Variants in MAP3K7CL observed in about 807,000 individuals in gnomAD.
The protein encoded by MAP3K7CL is MAP3K7 C-terminal like, also known as MAP3K7 C-terminal-like protein.
MAP3K7CL carries 16 observed loss-of-function variants against 18.6 expected under a neutral mutation model. That is an observed-to-expected ratio of 0.86 (90% CI 0.58 to 1.31). MAP3K7CL has a LOEUF of 1.31. MAP3K7CL is among the 50% of genes most tolerant of loss of function. MAP3K7CL has a pLI of 0.00. For synonymous variants in MAP3K7CL, 65 were observed against 66.8 expected (o/e 0.97, Z 0.13); for missense variants, 163 against 174.4 (o/e 0.93, Z 0.37).
intron 4 of MAP3K7CL, among the ~76,000 whole-genome samples, chr21:29,174,342 A>G (rs1274749744): frequency 1.3e-5 from 2 of 152,230 alleles, no homozygotes; most frequent in African/African-American, 2.4e-5. Flanking sequence ...CCAAGAGAAA[A>G]CTATAGTTGT....
intron 4 of MAP3K7CL, among the ~76,000 whole-genome samples, chr21:29,116,131 G>A (rs977618798): frequency 5.3e-5 from 8 of 152,146 alleles, no homozygotes; most frequent in Non-Finnish European, 8.8e-5. Flanking sequence ...AAACAGTGGC[G>A]ACGGGTAGTT....
chr21:29,081,667 CTCTT>C (rs1022565678), upstream of MAP3K7CL, among the ~76,000 whole-genome samples: 3 of 151,878 alleles, frequency 2.0e-5, no homozygotes, highest in African/African-American at 7.3e-5. Context: ...GGTAAATTTA[CTCTT>C]TCTTTTATTA....
intron 3 of MAP3K7CL, among the ~76,000 whole-genome samples, chr21:29,149,897 A>G (rs1373597816): frequency 6.6e-6 from 1 of 152,204 alleles, no homozygotes; most frequent in Non-Finnish European, 1.5e-5. Flanking sequence ...AATGGCTTTC[A>G]GAAGAGGTTC....
chr21:29,106,810 G>C (rs190705127), intron 4 of MAP3K7CL, among the ~76,000 whole-genome samples: 1 of 152,294 alleles, frequency 6.6e-6, no homozygotes, highest in African/African-American at 2.4e-5. Context: ...GTTGGAGCAG[G>C]CCTCTGCCCT....
At chr21:29,110,944 C>T (rs2832184) in intron 4 of MAP3K7CL, among the ~76,000 whole-genome samples, 67,180 of 151,848 alleles carry the variant, frequency 0.44, 15,118 homozygotes, top group East Asian at 0.64. Context: ...GTTTTTGGTC[C>T]CTGTCTTCCA....
At chr21:29,080,676 A>G (rs2085821009) in intron 1 of MAP3K7CL, 1 of 151,610 alleles carries the variant, frequency 6.6e-6, no homozygotes, top group Non-Finnish European at 1.5e-5. Flanking sequence ...GATTCCTCCC[A>G]CCTTGCTGAT....
chr21:29,090,783 C>G (rs1360842322), intron 1 of MAP3K7CL, among the ~76,000 whole-genome samples: 1 of 151,270 alleles, frequency 6.6e-6, no homozygotes, highest in Non-Finnish European at 1.5e-5. Flanking sequence ...AAAATTGCTG[C>G]ATCCCCGGGA....
At chr21:29,161,197 C>T (rs1326698684) in intron 4 of MAP3K7CL, among the ~76,000 whole-genome samples, 1 of 152,144 alleles carries the variant, frequency 6.6e-6, no homozygotes, top group Non-Finnish European at 1.5e-5. Flanking sequence ...GTAATCCCAG[C>T]TACTCGGGAG....
chr21:29,164,616 C>T (rs2087638877), intron 4 of MAP3K7CL, among the ~76,000 whole-genome samples: 1 of 152,210 alleles, frequency 6.6e-6, no homozygotes, highest in Non-Finnish European at 1.5e-5. Flanking sequence ...TATTTTAAAT[C>T]ATATCTGTTG....
chr21:29,098,736 G>A (rs774686784), intron 4 of MAP3K7CL, among the ~76,000 whole-genome samples: 32 of 152,178 alleles, frequency 2.1e-4, no homozygotes, highest in Non-Finnish European at 5.9e-5. Flanking sequence ...GATTTAAACA[G>A]CCAAGTCCTA....
At chr21:29,099,950 G>T (rs1458079673) in intron 4 of MAP3K7CL, among the ~76,000 whole-genome samples, 1 of 152,074 alleles carries the variant, frequency 6.6e-6, no homozygotes, top group African/African-American at 2.4e-5. Context: ...GGGCGTGGTG[G>T]CGGGCGCCTG....
chr21:29,144,385 G>A (rs936276561), intron 2 of MAP3K7CL, among the ~76,000 whole-genome samples: 3 of 152,208 alleles, frequency 2.0e-5, no homozygotes, highest in Admixed American at 6.5e-5. Flanking sequence ...GGCTGGTCTC[G>A]AACTCCTGAC....
At chr21:29,099,103 T>A (rs1046226562) in intron 4 of MAP3K7CL, among the ~76,000 whole-genome samples, 6 of 152,002 alleles carry the variant, frequency 3.9e-5, no homozygotes, top group Non-Finnish European at 7.4e-5. Flanking sequence ...TCTTTTCTTT[T>A]CTTTTTGAGA....
At chr21:29,170,253 C>T (rs541512340) in intron 4 of MAP3K7CL, among the ~76,000 whole-genome samples, 1 of 152,306 alleles carries the variant, frequency 6.6e-6, no homozygotes, top group East Asian at 1.9e-4. Context: ...TTATCAAATA[C>T]ATGACACTAA....
intron 3 of MAP3K7CL, chr21:29,092,269 T>A: frequency 1.4e-6 from 1 of 690,288 alleles, no homozygotes; most frequent in Non-Finnish European, 2.4e-6. Flanking sequence ...AGCCCAGTGC[T>A]CTTTCCCCTG....
exon 2 of MAP3K7CL, chr21:29,091,535 G>A (rs909045296): frequency 2.9e-6 from 2 of 701,018 alleles, no homozygotes; most frequent in African/African-American, 3.5e-5. Flanking sequence ...GAATGCAGTG[G>A]TGGAATCATG....
At chr21:29,119,138 C>T (rs533943718) in intron 4 of MAP3K7CL, among the ~76,000 whole-genome samples, 94 of 152,352 alleles carry the variant, frequency 6.2e-4, no homozygotes, top group African/African-American at 2.2e-3. Context: ...CTTTCTCTGC[C>T]ACCTCCTTTC....
upstream of MAP3K7CL, among the ~76,000 whole-genome samples, chr21:29,084,751 TGAA>T (rs2085894875): frequency 1.3e-5 from 2 of 152,216 alleles, no homozygotes; most frequent in Admixed American, 6.5e-5. Context: ...GGAATCTCAA[TGAA>T]GAAGGAGGGT....
At chr21:29,139,133 G>C (rs1263032274) in intron 2 of MAP3K7CL, 1 of 152,112 alleles carries the variant, frequency 6.6e-6, no homozygotes, top group African/African-American at 2.4e-5. Context: ...TGTGTGGTAG[G>C]GAGAATTACA....
Sources: allele counts gnomAD v4.1 joint callset (sites outside exome capture counted in the v4.1 genomes callset), GRCh38; gene constraint gnomAD v4.1.1; transcripts MANE v1.5; gene names NCBI Gene and HGNC (gene_info 2026-07-23, HGNC 2026-07-21).